Variants in FMN2 observed in about 807,000 individuals in gnomAD.
FMN2 encodes formin-2.
FMN2 carries 51 observed loss-of-function variants against 142.3 expected under a neutral mutation model. The observed-to-expected ratio is 0.36, with a 90% CI of 0.29 to 0.45. The LOEUF is 0.45. FMN2 is among the 20% of genes least tolerant of loss of function. The pLI is 1.00. For missense variants in FMN2, 1,936 were observed against 2,122.8 expected (o/e 0.91, Z 1.73); for synonymous variants, 882 against 869.8 (o/e 1.01, Z -0.25).
chr1:240,108,280 G>C (rs1047159232), intron 1 of FMN2, among the ~76,000 whole-genome samples: 3 of 152,144 alleles, frequency 2.0e-5, no homozygotes, highest in Non-Finnish European at 4.4e-5. Flanking sequence ...GACAACCCTA[G>C]ATATTTATCC....
intron 2 of FMN2, among the ~76,000 whole-genome samples, chr1:240,153,323 T>G (rs1248306000): frequency 6.6e-6 from 1 of 152,028 alleles, no homozygotes; most frequent in East Asian, 1.9e-4. Flanking sequence ...AAAATTCTTA[T>G]ATCATCTCAT....
chr1:240,174,669 T>C (rs1241950758), intron 2 of FMN2, among the ~76,000 whole-genome samples: 1 of 152,154 alleles, frequency 6.6e-6, no homozygotes, highest in African/African-American at 2.4e-5. Context: ...CTGGCTACAG[T>C]TCAGTTGTTT....
At chr1:240,397,570 G>GTT (rs1288376633) in intron 15 of FMN2, among the ~76,000 whole-genome samples, 1 of 152,016 alleles carries the variant, frequency 6.6e-6, no homozygotes, top group Non-Finnish European at 1.5e-5. Context: ...GAGGTCAGGA[G>GTT]TTTGAGACCA....
In FMN2 at chr1:240,474,166, C is replaced by T. The variant is rs1426271956; in HGVS notation, c.*12C>T. On this transcript the variant is annotated 3_prime_UTR_variant, in exon 18 of 18. Transcript: ENST00000319653. Reference sequence around the variant, plus strand: ...GCATGAAAACTTGAACAATGAAAAGCAGAATGAAAATGAGTCATTGCAACG... The same window carrying T: ...GCATGAAAACTTGAACAATGAAAAGTAGAATGAAAATGAGTCATTGCAACG... The T allele has an allele frequency of 3.2e-6, 5 of 1,547,692 alleles. No homozygotes were observed. The South Asian group carries it at 6.3e-5, about 19-fold the overall frequency.
rs774936033 is a variant in FMN2 at position 240,207,215 on chromosome 1, T to G, written c.2403T>G (p.His801Gln). The change falls in exon 5 of 18, where the codon CAT becomes CAG. Residue 801 changes from histidine to glutamine, a missense_variant. This residue lies in a region of FMN2 where 478 missense variants were observed against 462.8 expected (regional missense o/e 1.03). Coordinates refer to ENST00000319653, the MANE Select transcript of FMN2 (RefSeq NM_020066.5). ...GAATATCAGTCCAGCTCGACAGCCA[T>G]CAGCCCACACAGAGCATCTCACAGC... is the stretch of plus-strand genomic sequence containing the variant. ...PRRISVQLDS[H>Q]QPTQSISQPP... The G allele has an allele frequency of 1.9e-6, 3 of 1,613,862 alleles. No homozygotes were observed. The African/African-American group carries it at 4.0e-5, about 22-fold the overall frequency.
chr1:240,325,261 T>C (rs1263518085), intron 8 of FMN2, among the ~76,000 whole-genome samples: 1 of 148,544 alleles, frequency 6.7e-6, no homozygotes, highest in Non-Finnish European at 1.5e-5. Context: ...GAGGACCTAT[T>C]GAGCCCAAGA....
chr1:240,259,302 C>T (rs559960346), intron 7 of FMN2, among the ~76,000 whole-genome samples: 12 of 152,130 alleles, frequency 7.9e-5, no homozygotes, highest in South Asian at 2.1e-4. Context: ...AACAAGAGTC[C>T]GCCTGACATC....
chr1:240,378,932 C>A (rs887011325), intron 14 of FMN2, among the ~76,000 whole-genome samples: 1 of 152,130 alleles, frequency 6.6e-6, no homozygotes, highest in African/African-American at 2.4e-5. Flanking sequence ...TCCTGTCATT[C>A]CTGGGTCTGT....
intron 6 of FMN2, among the ~76,000 whole-genome samples, chr1:240,220,840 A>G (rs921386112): frequency 6.6e-6 from 1 of 151,928 alleles, no homozygotes; most frequent in African/African-American, 2.4e-5. Context: ...TACATGAGGT[A>G]TTTCTCCTAA....
At chr1:240,468,232 G>A (rs1179004754) in intron 16 of FMN2, among the ~76,000 whole-genome samples, 1 of 100,876 alleles carries the variant, frequency 9.9e-6, no homozygotes, top group Non-Finnish European at 2.0e-5. Context: ...GTGTGTGTGT[G>A]TATTCACACA....
chr1:240,416,812 C>T (rs1348135266), intron 15 of FMN2, among the ~76,000 whole-genome samples: 2 of 150,890 alleles, frequency 1.3e-5, no homozygotes, highest in African/African-American at 4.9e-5. Context: ...CAAATTTCTG[C>T]TCTTTAATAT....
At chr1:240,321,571 A>C (rs896947578) in intron 8 of FMN2, among the ~76,000 whole-genome samples, 11 of 152,228 alleles carry the variant, frequency 7.2e-5, no homozygotes, top group Non-Finnish European at 1.5e-4. Flanking sequence ...CAAAAAGTAA[A>C]TTGATATGGT....
chr1:240,263,689 C>A (rs1327056096), intron 7 of FMN2, among the ~76,000 whole-genome samples: 1 of 152,152 alleles, frequency 6.6e-6, no homozygotes, highest in Non-Finnish European at 1.5e-5. Flanking sequence ...CTTAGACACT[C>A]CCTCTGCAAA....
intron 14 of FMN2, among the ~76,000 whole-genome samples, chr1:240,364,427 C>G (rs576095114): frequency 2.6e-5 from 4 of 152,072 alleles, no homozygotes; most frequent in Admixed American, 2.6e-4. Flanking sequence ...ATGCGGACAC[C>G]GTGAACCAGA....
At chr1:240,407,230 C>T (rs1054661167) in intron 15 of FMN2, among the ~76,000 whole-genome samples, 5 of 151,866 alleles carry the variant, frequency 3.3e-5, no homozygotes, top group Non-Finnish European at 5.9e-5. Context: ...CTCCGCTGCC[C>T]GGGTTCAAGA....
intron 14 of FMN2, among the ~76,000 whole-genome samples, chr1:240,356,624 T>C (rs1672282017): frequency 6.6e-6 from 1 of 152,232 alleles, no homozygotes; most frequent in Non-Finnish European, 1.5e-5. Context: ...ATTTCAACTT[T>C]GGAATGTTCC....
At chr1:240,304,421 T>C (rs1397675347) in intron 8 of FMN2, among the ~76,000 whole-genome samples, 1 of 152,204 alleles carries the variant, frequency 6.6e-6, no homozygotes, top group African/African-American at 2.4e-5. Context: ...AAACTTAAGG[T>C]CTTCTCAGGG....
At chr1:240,382,940 G>A (rs1409182981) in intron 14 of FMN2, among the ~76,000 whole-genome samples, 2 of 152,014 alleles carry the variant, frequency 1.3e-5, no homozygotes, top group Non-Finnish European at 2.9e-5. Context: ...ACAGAATAGA[G>A]CACCAAGAAA....
intron 8 of FMN2, among the ~76,000 whole-genome samples, chr1:240,318,534 A>G (rs2102996979): frequency 6.6e-6 from 1 of 152,262 alleles, no homozygotes; most frequent in African/African-American, 2.4e-5. Flanking sequence ...TGTTAATGAT[A>G]CTGTGAGGTC....
Sources: gnomAD v4.1 joint callset for allele counts (sites outside exome capture counted in the v4.1 genomes callset) on GRCh38, gnomAD v4.1.1 for gene constraint, gnomAD v4.1.1 regional missense constraint, MANE v1.5 for transcripts, NCBI Gene and HGNC (gene_info 2026-07-23, HGNC 2026-07-21) for gene names.